DCDC1: variants seen among roughly 807,000 people sequenced by gnomAD.
DCDC1 encodes doublecortin domain-containing protein 1.
In DCDC1, 200 loss-of-function variants were observed where a neutral mutation model predicts 178.3. The ratio of observed to expected loss-of-function variants is 1.12; its 90% CI spans 1.00 to 1.26. The LOEUF is 1.26. Ranked by LOEUF, DCDC1 falls within the 50% of genes most tolerant of loss-of-function variation. DCDC1 has a pLI of 0.00. For missense variants in DCDC1, 1,983 were observed against 1,749.2 expected (o/e 1.13, Z -2.38); for synonymous variants, 690 against 604.8 (o/e 1.14, Z -2.07).
intron 21 of DCDC1, among the ~76,000 whole-genome samples, chr11:30,933,111 T>G (rs1422978323): frequency 1.3e-5 from 2 of 150,372 alleles, no homozygotes. Flanking sequence ...TTGTTTCTCT[T>G]CAGTTTGTCA....
intron 8 of DCDC1, among the ~76,000 whole-genome samples, chr11:31,242,393 C>CA (rs1977270430): frequency 6.6e-6 from 1 of 151,850 alleles, no homozygotes; most frequent in Admixed American, 6.6e-5. Context: ...AATAACATGG[C>CA]AGCTAGCTAA....
intron 15 of DCDC1, among the ~76,000 whole-genome samples, chr11:31,100,540 G>A (rs1010122389): frequency 6.6e-6 from 1 of 152,208 alleles, no homozygotes; most frequent in Non-Finnish European, 1.5e-5. Flanking sequence ...AGAGTAAGTT[G>A]AGTAAAGCCT....
intron 36 of DCDC1, 123 bp from the exon 37 acceptor site, chr11:30,881,431 T>TA: frequency 2.4e-6 from 3 of 1,230,644 alleles, no homozygotes; most frequent in Non-Finnish European, 3.4e-6. Context: ...TGATAGTTGT[T>TA]AGACATTCGT....
chr11:31,313,414 A>C (rs1250412094), intron 3 of DCDC1, among the ~76,000 whole-genome samples: 1 of 152,112 alleles, frequency 6.6e-6, no homozygotes, highest in African/African-American at 2.4e-5. Context: ...TCCCATTTTC[A>C]TGAATAGGTG....
At chr11:31,361,294 G>T (rs563555907) in intron 1 of DCDC1, among the ~76,000 whole-genome samples, 1 of 152,112 alleles carries the variant, frequency 6.6e-6, no homozygotes, top group Non-Finnish European at 1.5e-5. Flanking sequence ...GCATGCATCT[G>T]CAAGGGATGG....
At chr11:31,131,668 A>T (rs1962457451) in intron 10 of DCDC1, among the ~76,000 whole-genome samples, 1 of 152,312 alleles carries the variant, frequency 6.6e-6, no homozygotes, top group South Asian at 2.1e-4. Flanking sequence ...GAAGGACTCC[A>T]TTTCCGAAAA....
chr11:30,958,237 T>A (rs563495545), intron 20 of DCDC1, among the ~76,000 whole-genome samples: 8 of 152,258 alleles, frequency 5.3e-5, no homozygotes, highest in Admixed American at 3.9e-4. Context: ...GGAAAAAGTA[T>A]GTGGATGGAT....
intron 35 of DCDC1, 39 bp downstream of exon 35, chr11:30,894,209 G>C: frequency 6.3e-7 from 1 of 1,587,934 alleles, no homozygotes; most frequent in South Asian, 1.2e-5. Context: ...CTCATAAAAA[G>C]GGCAGAGTCT....
intron 38 of DCDC1, among the ~76,000 whole-genome samples, chr11:30,873,907 T>C (rs1249117193): frequency 6.6e-6 from 1 of 152,210 alleles, no homozygotes; most frequent in African/African-American, 2.4e-5. Context: ...GGCAGCTTAA[T>C]GAACATGGAA....
chr11:31,168,314 C>G (rs1342383779), intron 9 of DCDC1, among the ~76,000 whole-genome samples: 1 of 152,168 alleles, frequency 6.6e-6, no homozygotes, highest in African/African-American at 2.4e-5. Context: ...AAATTTCCTA[C>G]CTTTGACTCC....
chr11:30,951,949 A>G (rs1406183577), intron 21 of DCDC1, among the ~76,000 whole-genome samples: 3 of 152,180 alleles, frequency 2.0e-5, no homozygotes, highest in Non-Finnish European at 4.4e-5. Context: ...ATTGCCAGAT[A>G]AAATTTTTAA....
chr11:31,321,506 C>G (rs549420464), intron 3 of DCDC1, among the ~76,000 whole-genome samples: 1 of 152,300 alleles, frequency 6.6e-6, no homozygotes, highest in South Asian at 2.1e-4. Flanking sequence ...CCTCGCCCAG[C>G]TTCGGCTCGC....
intron 20 of DCDC1, among the ~76,000 whole-genome samples, chr11:30,959,332 C>T (rs753588416): frequency 1.3e-5 from 2 of 152,102 alleles, no homozygotes; most frequent in African/African-American, 2.4e-5. Flanking sequence ...AAGAGGTAGA[C>T]TGTACTGGGC....
At chr11:31,213,389 G>A (rs893071557) in intron 9 of DCDC1, among the ~76,000 whole-genome samples, 1 of 151,766 alleles carries the variant, frequency 6.6e-6, no homozygotes, top group Non-Finnish European at 1.5e-5. Flanking sequence ...TAAAGTAGGA[G>A]TATTAAATCC....
At chr11:31,010,812 C>T (rs1278070783) in intron 20 of DCDC1, among the ~76,000 whole-genome samples, 1 of 152,088 alleles carries the variant, frequency 6.6e-6, no homozygotes, top group Non-Finnish European at 1.5e-5. Context: ...AATCTATAAA[C>T]ATTTAATAGT....
intron 1 of DCDC1, among the ~76,000 whole-genome samples, chr11:31,350,652 A>G (rs1186594178): frequency 6.6e-6 from 1 of 152,170 alleles, no homozygotes; most frequent in Non-Finnish European, 1.5e-5. Flanking sequence ...GTTTACAAGT[A>G]TCAGAAACAA....
At chr11:30,943,924 T>C (rs1414565493) in intron 21 of DCDC1, 1 of 243,328 alleles carries the variant, frequency 4.1e-6, no homozygotes, top group African/African-American at 2.3e-5. Context: ...ACCAAGATAA[T>C]TCCATATTTC....
In DCDC1 at chr11:31,284,757, G is replaced by A. The variant is rs184832349; in HGVS notation, c.960+5890C>T. On this transcript the variant is annotated intron_variant, in intron 7 of 38. Transcript: ENST00000684477. ...AGGTTCAAGCAATTCTCCTGCCTCAGCCTCCCAAGTAGCTTGGATTACAGG... is the reference window on the plus strand; with the variant it reads ...AGGTTCAAGCAATTCTCCTGCCTCAACCTCCCAAGTAGCTTGGATTACAGG... Among the ~76,000 whole-genome samples the A allele has an allele frequency of 7.2e-5, 11 of 151,754 alleles. No homozygotes were observed. The East Asian group carries it at 2.1e-3, about 29-fold the overall frequency.
intron 23 of DCDC1, among the ~76,000 whole-genome samples, chr11:30,923,899 G>C (rs1219625711): frequency 1.3e-5 from 2 of 152,148 alleles, no homozygotes; most frequent in Non-Finnish European, 2.9e-5. Context: ...TTACAGGTAT[G>C]AGCCACTGCA....
Sources: allele counts gnomAD v4.1 joint callset (sites outside exome capture counted in the v4.1 genomes callset), GRCh38; gene constraint gnomAD v4.1.1; transcripts MANE v1.5; gene names NCBI Gene and HGNC (gene_info 2026-07-23, HGNC 2026-07-21).